The following TRIP4 variants were observed in gnomAD, a reference collection of about 807,000 sequenced individuals.
TRIP4 encodes the protein thyroid hormone receptor interactor 4, also known as activating signal cointegrator 1.
Under a neutral mutation model 81.8 loss-of-function variants are expected in TRIP4, and 54 were observed. That is an observed-to-expected ratio of 0.66 (90% CI 0.53 to 0.83). TRIP4 has a LOEUF of 0.83. Ranked by LOEUF, TRIP4 falls within the 40% of genes least tolerant of loss-of-function variation. The pLI, the probability that TRIP4 is intolerant of heterozygous loss-of-function variation, is 0.00. For synonymous variants in TRIP4, 270 were observed against 242.8 expected (o/e 1.11, Z -1.04); for missense variants, 662 against 683.6 (o/e 0.97, Z 0.35).
In TRIP4 at chr15:64,400,745, G is replaced by C; in HGVS notation, c.621G>C (p.Val207=). 1 of 1,613,324 alleles carries C rather than the reference G, an allele frequency of 6.2e-7. No individual in the cohort carries two copies. Among genetic ancestry groups the C allele is most frequent in the East Asian group, 2.2e-5 (1 of 44,862 alleles). The part of the protein sequence containing the change: ...SGPCLFCGTL[V]CTHEEQDILQ... ...GTCTTACTCTTACTATTTTACAGGTGTGTACTCATGAGGAACAAGATATTT... is the reference window on the plus strand; with the variant it reads ...GTCTTACTCTTACTATTTTACAGGTCTGTACTCATGAGGAACAAGATATTT... Residue 207 remains valine (V), a splice_region_variant and synonymous_variant, in exon 5 of 13, where the codon GTG becomes GTC. Transcript: ENST00000261884.
intron 6 of TRIP4, 108 bp from the exon 7 acceptor site, chr15:64,409,505 G>C (rs1223049625): frequency 1.9e-6 from 2 of 1,051,102 alleles, no homozygotes; most frequent in Admixed American, 2.1e-5. Context: ...AGCTTGACCT[G>C]ATTTTGGAAC....
At chr15:64,445,260 T>G (rs1487961847) in intron 12 of TRIP4, 152 bp downstream of exon 12, 1 of 442,518 alleles carries the variant, frequency 2.3e-6, no homozygotes, top group East Asian at 3.6e-5. Context: ...TCATAATCTT[T>G]GATGGTCTAA....
chr15:64,406,581 C>T, intron 6 of TRIP4, 122 bp downstream of exon 6: 2 of 1,215,806 alleles, frequency 1.6e-6, no homozygotes, highest in Non-Finnish European at 2.2e-6. Context: ...AAAAGAAGAG[C>T]CAGATGCTCT....
intron 12 of TRIP4, among the ~76,000 whole-genome samples, chr15:64,452,604 GTGTT>G (rs1327327055): frequency 6.6e-6 from 1 of 152,194 alleles, no homozygotes; most frequent in Non-Finnish European, 1.5e-5. Context: ...ATAATTCTGT[GTGTT>G]AGTAAGGGCT....
intron 11 of TRIP4, among the ~76,000 whole-genome samples, chr15:64,425,935 T>C (rs935407413): frequency 1.4e-4 from 21 of 152,010 alleles, no homozygotes; most frequent in Non-Finnish European, 1.0e-4. Context: ...TACAAAAAAT[T>C]AGCCGGGTGT....
Position 64,387,965 on chromosome 15 carries a change from G to C in TRIP4, c.101+1G>C. 6.5e-7 allele frequency: 1 copy of C among 1,549,704 alleles called. No homozygotes were observed. Among genetic ancestry groups the C allele is most frequent in the Non-Finnish European group, 8.7e-7 (1 of 1,146,146 alleles). On this transcript the variant is annotated splice_donor_variant, in intron 1 of 12. Transcript: ENST00000261884. LOFTEE classifies it high-confidence loss of function. ...TGGATGTCAGCGAGGAGATCATTCA[G>C]TGAGAACAGTTCGGGTCCAAGCGGG... is the stretch of plus-strand genomic sequence containing the variant.
At chr15:64,392,601 G>A (rs183897379) in intron 1 of TRIP4, among the ~76,000 whole-genome samples, 12 of 151,950 alleles carry the variant, frequency 7.9e-5, no homozygotes, top group African/African-American at 2.9e-4. Context: ...CCAAAGTGCT[G>A]GGAGCCATCA....
Position 64,400,758 on chromosome 15 carries a change from G to A in TRIP4, c.634G>A (p.Glu212Lys), listed in dbSNP as rs1173482126. ...FCGTLVCTHE[E>K]QDILQRDSNK... ...TATTTTACAGGTGTGTACTCATGAG[G>A]AACAAGATATTTTACAGCGTGACTC... The change falls in exon 5 of 13, where the codon GAA (glutamate) becomes AAA (lysine). Residue 212 changes from glutamate (E) to lysine (K), a missense_variant. Physicochemically the swap from Glu to Lys is moderately conservative, Grantham distance 56. Transcript: ENST00000261884. 1 of 1,613,924 alleles carries A rather than the reference G, an allele frequency of 6.2e-7. No individual in the cohort carries two copies. The highest frequency in any genetic ancestry group is 1.7e-5 in the Admixed American group (1 of 59,988).
intron 4 of TRIP4, among the ~76,000 whole-genome samples, chr15:64,399,802 T>G (rs574929308): frequency 6.6e-6 from 1 of 151,996 alleles, no homozygotes; most frequent in South Asian, 2.1e-4. Context: ...CGCCTGGCCC[T>G]TGTTTGTTTT....
chr15:64,408,249 A>ATTTTT (rs796182931), intron 6 of TRIP4, among the ~76,000 whole-genome samples: 1 of 42,476 alleles, frequency 2.4e-5, no homozygotes, highest in African/African-American at 6.2e-5. Context: ...AAGAAGACAA[A>ATTTTT]TTTTTTTTTT....
intron 1 of TRIP4, among the ~76,000 whole-genome samples, chr15:64,392,552 C>CT (rs760718195): frequency 3.9e-5 from 6 of 151,990 alleles, no homozygotes; most frequent in Non-Finnish European, 5.9e-5. Context: ...AAGCTGGTCT[C>CT]TAACTCCTGA....
intron 12 of TRIP4, among the ~76,000 whole-genome samples, chr15:64,447,707 C>G (rs1056231965): frequency 1.3e-5 from 2 of 152,150 alleles, no homozygotes; most frequent in African/African-American, 4.8e-5. Flanking sequence ...CTTTTCTCCA[C>G]TATTAAGGAT....
chr15:64,422,170 G>C (rs1454077039), intron 9 of TRIP4, among the ~76,000 whole-genome samples: 1 of 152,130 alleles, frequency 6.6e-6, no homozygotes, highest in Non-Finnish European at 1.5e-5. Flanking sequence ...AGCAAGATGT[G>C]ACTGTAGATT....
chr15:64,436,350 T>G (rs1219789214), intron 11 of TRIP4, among the ~76,000 whole-genome samples: 4 of 150,800 alleles, frequency 2.7e-5, no homozygotes, highest in Non-Finnish European at 5.9e-5. Context: ...TTCCAGCACT[T>G]TGGGAGGCCG....
chr15:64,400,848 A>G (rs763708447), intron 5 of TRIP4, 27 bp downstream of exon 5: 10 of 1,580,422 alleles, frequency 6.3e-6, no homozygotes, highest in Non-Finnish European at 8.7e-6. Flanking sequence ...TAATTGGATC[A>G]CTGGGATGAT....
chr15:64,440,021 A>AT (rs1892482282), intron 11 of TRIP4, among the ~76,000 whole-genome samples: 1 of 151,824 alleles, frequency 6.6e-6, no homozygotes, highest in South Asian at 2.1e-4. Flanking sequence ...CTGCTAACCA[A>AT]TTTTTTCTCT....
intron 11 of TRIP4, among the ~76,000 whole-genome samples, chr15:64,443,665 C>T (rs1178223929): frequency 6.6e-6 from 1 of 152,122 alleles, no homozygotes; most frequent in African/African-American, 2.4e-5. Context: ...TGTAGCCTTA[C>T]TTTTCTACCG....
At chr15:64,389,709 T>C (rs1419850528) in intron 1 of TRIP4, among the ~76,000 whole-genome samples, 1 of 118,914 alleles carries the variant, frequency 8.4e-6, no homozygotes, top group African/African-American at 3.1e-5. Flanking sequence ...AAATTTTCAC[T>C]TTTTTTTTTT....
At chr15:64,445,337 T>TC (rs1361277144) in intron 12 of TRIP4, 2 of 273,906 alleles carry the variant, frequency 7.3e-6, no homozygotes, top group Non-Finnish European at 1.4e-5. Context: ...TATAAAATCT[T>TC]CCCTTTTGGC....
Sources: gnomAD v4.1 joint callset for allele counts (sites outside exome capture counted in the v4.1 genomes callset) on GRCh38, gnomAD v4.1.1 for gene constraint, MANE v1.5 for transcripts, NCBI Gene and HGNC (gene_info 2026-07-23, HGNC 2026-07-21) for gene names.